SH3GL2: variants seen among roughly 807,000 people sequenced by gnomAD.
SH3GL2 encodes endophilin-A1.
Under a neutral mutation model 46.0 loss-of-function variants are expected in SH3GL2, and 24 were observed. The ratio of observed to expected loss-of-function variants is 0.52; its 90% CI spans 0.38 to 0.73. The LOEUF (loss-of-function observed/expected upper bound fraction) is 0.73. Ranked by LOEUF, SH3GL2 falls within the 30% of genes least tolerant of loss-of-function variation. SH3GL2 has a pLI of 0.00. For missense variants in SH3GL2, 413 were observed against 424.2 expected, an observed-to-expected ratio of 0.97 and a Z score of 0.23; for synonymous variants, 196 against 147.1, an observed-to-expected ratio of 1.33 and a Z score of -2.40.
chr9:17,587,694 A>G (rs1818406380), intron 1 of SH3GL2, among the ~76,000 whole-genome samples: 1 of 152,156 alleles, frequency 6.6e-6, no homozygotes, highest in South Asian at 2.1e-4. Flanking sequence ...CCTGGACAAC[A>G]TGGTGAAGCC....
At chr9:17,687,695 AAAGTTT>A (rs1401318694) in intron 1 of SH3GL2, among the ~76,000 whole-genome samples, 13 of 151,680 alleles carry the variant, frequency 8.6e-5, no homozygotes, top group African/African-American at 3.2e-4. Flanking sequence ...TCCTGGTGAT[AAAGTTT>A]AAGTCGAGGA....
At chr9:17,586,747 G>A (rs531803773) in intron 1 of SH3GL2, among the ~76,000 whole-genome samples, 9 of 152,224 alleles carry the variant, frequency 5.9e-5, no homozygotes, top group East Asian at 1.9e-4. Flanking sequence ...ACAGTGTGGC[G>A]GTAACCACCC....
intron 1 of SH3GL2, among the ~76,000 whole-genome samples, chr9:17,676,887 C>T (rs1588228682): frequency 6.6e-6 from 1 of 152,238 alleles, no homozygotes; most frequent in East Asian, 1.9e-4. Flanking sequence ...TTTTTCTCTT[C>T]TCCATAATAC....
At chr9:17,673,085 A>G (rs1025479264) in intron 1 of SH3GL2, among the ~76,000 whole-genome samples, 13 of 152,064 alleles carry the variant, frequency 8.5e-5, no homozygotes, top group Non-Finnish European at 1.2e-4. Flanking sequence ...TTCTGCTTCA[A>G]TAGTCCTCCC....
At chr9:17,751,479 C>CGTGTGTGTGTGTGTGT (rs58212352) in intron 2 of SH3GL2, among the ~76,000 whole-genome samples, 157 of 146,468 alleles carry the variant, frequency 1.1e-3, no homozygotes, top group African/African-American at 3.7e-3. Flanking sequence ...TTTGTGTGTG[C>CGTGTGTGTGTGTGTGT]GTGTGTGTGT....
chr9:17,607,557 T>C (rs1004151405), intron 1 of SH3GL2, among the ~76,000 whole-genome samples: 3 of 152,226 alleles, frequency 2.0e-5, no homozygotes, highest in Non-Finnish European at 1.5e-5. Context: ...TGAGCCATCG[T>C]TGACCAAAAT....
At chr9:17,682,882 T>C (rs1820809635) in intron 1 of SH3GL2, among the ~76,000 whole-genome samples, 8 of 152,116 alleles carry the variant, frequency 5.3e-5, no homozygotes, top group Admixed American at 5.2e-4. Flanking sequence ...GCTTTTGTAT[T>C]ATTGAAACCA....
intron 1 of SH3GL2, among the ~76,000 whole-genome samples, chr9:17,705,317 T>C (rs1395111654): frequency 6.6e-6 from 1 of 152,120 alleles, no homozygotes; most frequent in Non-Finnish European, 1.5e-5. Flanking sequence ...GTTTAGCCAT[T>C]GTGGAAAGCA....
At chr9:17,730,911 C>A (rs535889479) in intron 1 of SH3GL2, among the ~76,000 whole-genome samples, 8 of 152,148 alleles carry the variant, frequency 5.3e-5, no homozygotes, top group Non-Finnish European at 1.2e-4. Flanking sequence ...AACAAAAGGA[C>A]AAAAACAGTT....
intron 1 of SH3GL2, among the ~76,000 whole-genome samples, chr9:17,715,255 G>A (rs1423460011): frequency 6.9e-6 from 1 of 145,478 alleles, no homozygotes. Flanking sequence ...AAATTGCTTT[G>A]TTGTCCAGGC....
chr9:17,739,537 G>T (rs1207308624), intron 1 of SH3GL2, among the ~76,000 whole-genome samples: 1 of 152,062 alleles, frequency 6.6e-6, no homozygotes, highest in Non-Finnish European at 1.5e-5. Context: ...TGTCATCCCT[G>T]CTTGCTGAAC....
intron 1 of SH3GL2, among the ~76,000 whole-genome samples, chr9:17,581,251 G>A (rs1588154168): frequency 2.0e-5 from 3 of 152,302 alleles, no homozygotes; most frequent in African/African-American, 7.2e-5. Flanking sequence ...GCCCTAAAGT[G>A]TAGAAAAAAT....
intron 1 of SH3GL2, among the ~76,000 whole-genome samples, chr9:17,617,543 A>G (rs2134593824): frequency 6.6e-6 from 1 of 152,358 alleles, no homozygotes; most frequent in East Asian, 1.9e-4. Flanking sequence ...TTTAAGAACA[A>G]CAAAAAAACT....
chr9:17,687,063 G>A (rs1820933487), intron 1 of SH3GL2, among the ~76,000 whole-genome samples: 1 of 152,024 alleles, frequency 6.6e-6, no homozygotes, highest in South Asian at 2.1e-4. Context: ...ATCCCAGACT[G>A]AAGATGCACA....
chr9:17,668,841 A>G (rs1413495120), intron 1 of SH3GL2, among the ~76,000 whole-genome samples: 1 of 152,096 alleles, frequency 6.6e-6, no homozygotes, highest in Non-Finnish European at 1.5e-5. Flanking sequence ...AATTTTTAAT[A>G]GAGATGAGGT....
intron 1 of SH3GL2, among the ~76,000 whole-genome samples, chr9:17,613,430 A>C (rs918085691): frequency 1.3e-5 from 2 of 152,174 alleles, no homozygotes; most frequent in Non-Finnish European, 2.9e-5. Flanking sequence ...TAGATAAATA[A>C]CAACAATGGC....
At chr9:17,582,287 GA>G (rs1432282996) in intron 1 of SH3GL2, among the ~76,000 whole-genome samples, 2 of 137,018 alleles carry the variant, frequency 1.5e-5, no homozygotes, top group East Asian at 4.1e-4. Flanking sequence ...AAAATTGATT[GA>G]TCATCTTATT....
intron 1 of SH3GL2, among the ~76,000 whole-genome samples, chr9:17,658,344 C>T (rs1820139298): frequency 6.6e-6 from 1 of 152,174 alleles, no homozygotes; most frequent in African/African-American, 2.4e-5. Context: ...AATTATACTG[C>T]TTCCTGTTCG....
At chr9:17,679,306 G>C (rs200810562) in intron 1 of SH3GL2, among the ~76,000 whole-genome samples, 66 of 151,864 alleles carry the variant, frequency 4.3e-4, no homozygotes, top group East Asian at 5.8e-4. Context: ...CTTTTATTTC[G>C]TTGAGCACTG....
Sources: allele counts gnomAD v4.1 joint callset (sites outside exome capture counted in the v4.1 genomes callset), GRCh38; gene constraint gnomAD v4.1.1; transcripts MANE v1.5; gene names NCBI Gene and HGNC (gene_info 2026-07-23, HGNC 2026-07-21).